The following BMS1 variants were observed in gnomAD, a reference collection of about 807,000 sequenced individuals.
The protein encoded by BMS1 is BMS1 ribosome biogenesis factor, also known as ribosome biogenesis protein BMS1 homolog.
BMS1 carries 53 observed loss-of-function variants against 138.7 expected under a neutral mutation model. The observed-to-expected ratio is 0.38, with a 90% CI of 0.31 to 0.48. The LOEUF (loss-of-function observed/expected upper bound fraction) is 0.48, where lower values mean the gene tolerates loss of function less well. BMS1 is among the 20% of genes least tolerant of loss of function. BMS1 has a pLI of 0.97. For missense variants in BMS1, 1,360 were observed against 1,565.5 expected (o/e 0.87, Z 2.22); for synonymous variants, 504 against 539.9 (o/e 0.93, Z 0.92).
At chr10:42,818,133 G>A (rs925615190) in intron 15 of BMS1, among the ~76,000 whole-genome samples, 93 of 152,190 alleles carry the variant, frequency 6.1e-4, no homozygotes, top group Non-Finnish European at 1.1e-3. Context: ...GGCCAGGAGT[G>A]CCTGTGTAAG....
intron 17 of BMS1, 116 bp from the exon 18 acceptor site, chr10:42,820,818 T>C: frequency 8.0e-7 from 1 of 1,243,650 alleles, no homozygotes; most frequent in Non-Finnish European, 1.1e-6. Flanking sequence ...AGCGGGGAGG[T>C]GGTTTGGAGT....
At chr10:42,823,289 G>A in intron 20 of BMS1, 24 bp downstream of exon 20, 1 of 1,528,114 alleles carries the variant, frequency 6.5e-7, no homozygotes, top group Non-Finnish European at 8.8e-7. Context: ...GTAGTGTTCA[G>A]GGCAGGGTGT....
chr10:42,825,588 A>C (rs2132390111), intron 21 of BMS1, among the ~76,000 whole-genome samples: 1 of 152,232 alleles, frequency 6.6e-6, no homozygotes, highest in East Asian at 1.9e-4. Context: ...TTGATTTGTC[A>C]CCTAGGTTAT....
chr10:42,820,179 T>G, intron 15 of BMS1, 57 bp from the exon 16 acceptor site: 2 of 1,581,928 alleles, frequency 1.3e-6, no homozygotes, highest in Non-Finnish European at 1.7e-6. Context: ...TTCATGTTAA[T>G]CTTATGTTTA....
Position 42,820,626 on chromosome 10 carries a change from A to G in BMS1, c.2888A>G (p.Asn963Ser), listed in dbSNP as rs1375971829. 2.5e-6 allele frequency: 4 copies of G among 1,611,890 alleles called. No homozygotes were observed. The highest frequency in any genetic ancestry group is 2.7e-5 in the African/African-American group (2 of 74,856). Reference protein sequence around the residue: ...TIPLYYIEDHNGRQRLLKYTP... With the variant: ...TIPLYYIEDHSGRQRLLKYTP... The stretch of plus-strand genomic sequence containing the variant: ...CCACTGTATTATATCGAAGACCACA[A>G]TGGAAGACAAAGGCTTCTAAAGTAT... The change falls in exon 17 of 23, where the codon AAT becomes AGT. Residue 963 changes from asparagine (N) to serine (S), a missense_variant. Asn to Ser is a conservative substitution (Grantham distance 46, BLOSUM62 1). Coordinates refer to ENST00000374518, the MANE Select transcript of BMS1 (RefSeq NM_014753.4).
At chr10:42,791,209 G>A (rs116738877) in intron 5 of BMS1, among the ~76,000 whole-genome samples, 4,150 of 152,254 alleles carry the variant, frequency 0.027, 183 homozygotes, top group African/African-American at 0.095. Flanking sequence ...GGGGCCTCTT[G>A]GTGTATCTCA....
intron 13 of BMS1, among the ~76,000 whole-genome samples, chr10:42,808,541 C>T (rs1022646890): frequency 5.9e-5 from 9 of 152,088 alleles, no homozygotes; most frequent in East Asian, 1.9e-4. Context: ...CCTCGTGATC[C>T]GCCTTACTTG....
chr10:42,792,459 T>C (rs1446810448), intron 6 of BMS1, 34 bp from the exon 7 acceptor site: 1 of 1,606,086 alleles, frequency 6.2e-7, no homozygotes, highest in East Asian at 2.2e-5. Context: ...ACTTTTGGCA[T>C]TCATTTCTGC....
intron 13 of BMS1, among the ~76,000 whole-genome samples, chr10:42,808,129 T>C (rs1185707290): frequency 3.3e-5 from 5 of 152,106 alleles, no homozygotes; most frequent in Non-Finnish European, 5.9e-5. Context: ...TTTTGCACTT[T>C]TAAAAATTGG....
intron 19 of BMS1, 148 bp downstream of exon 19, chr10:42,822,332 C>A (rs111240232): frequency 0.047 from 25,653 of 543,112 alleles, 1,080 homozygotes; most frequent in African/African-American, 0.14. Flanking sequence ...CCTTTATATT[C>A]TGTGTTACTT....
chr10:42,820,801 T>A, intron 17 of BMS1, 113 bp downstream of exon 17: 2 of 1,396,038 alleles, frequency 1.4e-6, no homozygotes, highest in Non-Finnish European at 2.0e-6. Flanking sequence ...TTTTTCTCTT[T>A]TCTGGGAGCG....
intron 3 of BMS1, among the ~76,000 whole-genome samples, chr10:42,786,012 T>C (rs780272277): frequency 1.8e-4 from 27 of 151,998 alleles, no homozygotes; most frequent in Non-Finnish European, 3.7e-4. Context: ...TGGTCCAGCC[T>C]CTTAAGGTGA....
At chr10:42,811,803 C>T (rs868568285) in intron 13 of BMS1, among the ~76,000 whole-genome samples, 1 of 151,972 alleles carries the variant, frequency 6.6e-6, no homozygotes, top group East Asian at 1.9e-4. Flanking sequence ...GGATTACAGG[C>T]GTGAGCCACC....
At chr10:42,830,749 A>C (rs1276150253) in intron 22 of BMS1, 117 bp from the exon 23 acceptor site, 2 of 927,104 alleles carry the variant, frequency 2.2e-6, no homozygotes, top group Non-Finnish European at 3.2e-6. Context: ...CACAGGATGC[A>C]TTTTCATGCA....
chr10:42,826,943 G>C (rs1191084261), intron 21 of BMS1, among the ~76,000 whole-genome samples: 1 of 152,216 alleles, frequency 6.6e-6, no homozygotes, highest in South Asian at 2.1e-4. Context: ...GCAGGGTGGG[G>C]TGCATGCTGT....
intron 3 of BMS1, 106 bp downstream of exon 3, chr10:42,785,778 TC>T: frequency 1.6e-6 from 2 of 1,255,486 alleles, no homozygotes; most frequent in Non-Finnish European, 2.3e-6. Context: ...TATTGTCATA[TC>T]ATGGGACTTC....
intron 3 of BMS1, 124 bp downstream of exon 3, chr10:42,785,796 A>G (rs1841309564): frequency 1.9e-6 from 2 of 1,065,404 alleles, no homozygotes; most frequent in Admixed American, 2.4e-5. Context: ...CTTCTCTTAT[A>G]CTTAGTATTA....
intron 18 of BMS1, 90 bp downstream of exon 18, chr10:42,821,082 A>T: frequency 1.9e-6 from 2 of 1,079,098 alleles, no homozygotes; most frequent in South Asian, 1.3e-5. Flanking sequence ...TTAAGTTGAA[A>T]ATTACTCATT....
rs566821363 is a variant in BMS1 at position 42,810,891 on chromosome 10, C to T, written c.2330-5708C>T. 5.1e-4 allele frequency among the ~76,000 whole-genome samples: 77 copies of T among 152,114 alleles called. 1 individual carries two copies. In the South Asian group the frequency reaches 0.015, roughly 30 times the overall value. On this transcript the variant is annotated intron_variant, in intron 13 of 22. Coordinates refer to ENST00000374518, the MANE Select transcript of BMS1 (RefSeq NM_014753.4). Reference sequence around the variant, plus strand: ...CCTTTTTGATAACCCCTGTTTTATTCGTGATGTTGTTGGTTTGTGTCTTCT... The same window carrying T: ...CCTTTTTGATAACCCCTGTTTTATTTGTGATGTTGTTGGTTTGTGTCTTCT...
Sources: allele counts gnomAD v4.1 joint callset (sites outside exome capture counted in the v4.1 genomes callset), GRCh38; gene constraint gnomAD v4.1.1; transcripts MANE v1.5; gene names NCBI Gene and HGNC (gene_info 2026-07-23, HGNC 2026-07-21).